B3GNT3: variants seen among roughly 807,000 people sequenced by gnomAD.
B3GNT3 encodes the protein N-acetyllactosaminide beta-1,3-N-acetylglucosaminyltransferase 3.
In B3GNT3, 7 loss-of-function variants were observed where a neutral mutation model predicts 11.6. That is an observed-to-expected ratio of 0.60 (90% CI 0.34 to 1.13). B3GNT3 has a LOEUF of 1.13. B3GNT3 is among the 50% of genes most tolerant of loss of function. B3GNT3 has a pLI of 0.03. For synonymous variants in B3GNT3, 201 were observed against 222.1 expected (o/e 0.90, Z 0.85); for missense variants, 400 against 507.4 (o/e 0.79, Z 2.03).
intron 1 of B3GNT3, among the ~76,000 whole-genome samples, chr19:17,797,737 T>C (rs2094161090): frequency 6.6e-6 from 1 of 151,924 alleles, no homozygotes; most frequent in Non-Finnish European, 1.5e-5. Flanking sequence ...AGATATTGAG[T>C]ATATATTGAC....
intron 1 of B3GNT3, among the ~76,000 whole-genome samples, chr19:17,799,154 G>A (rs987119834): frequency 6.6e-5 from 10 of 151,962 alleles, no homozygotes; most frequent in East Asian, 1.9e-4. Flanking sequence ...GCCTTTTGGC[G>A]GCCTCAGAAT....
chr19:17,801,489 G>A (rs114553530), intron 1 of B3GNT3, among the ~76,000 whole-genome samples: 1 of 145,080 alleles, frequency 6.9e-6, no homozygotes, highest in African/African-American at 2.6e-5. Context: ...GCTGTTTTTT[G>A]TTTTTTTGTT....
chr19:17,795,847 C>G (rs1013756652), intron 1 of B3GNT3, among the ~76,000 whole-genome samples: 1 of 152,084 alleles, frequency 6.6e-6, no homozygotes, highest in African/African-American at 2.4e-5. Flanking sequence ...GGGGCCCTTG[C>G]GTGACTGGCG....
Position 17,807,960 on chromosome 19 carries a change from T to TCCGCG in B3GNT3, c.155_156insGCGCC (p.Pro53ArgfsTer62). ...TCCCCGAGGCCCTGGCCTGGCCCAC[T>TCCGCG]CCACCCACCCGCCCAGCCCCGGCCC... On this transcript the variant is annotated frameshift_variant, in exon 2 of 3. Coordinates refer to ENST00000318683, the MANE Select transcript of B3GNT3 (RefSeq NM_014256.4). LOFTEE classifies it high-confidence loss of function. The TCCGCG allele has an allele frequency of 1.9e-6, 3 of 1,609,544 alleles. No individual in the cohort carries two copies. Among genetic ancestry groups the TCCGCG allele is most frequent in the Non-Finnish European group, 2.5e-6 (3 of 1,178,126 alleles).
intron 1 of B3GNT3, among the ~76,000 whole-genome samples, chr19:17,801,048 A>T (rs1404902480): frequency 6.6e-6 from 1 of 152,084 alleles, no homozygotes; most frequent in African/African-American, 2.4e-5. Context: ...CTTTAAAAAA[A>T]ATTCAGTATA....
chr19:17,803,409 C>T (rs1358138476), intron 1 of B3GNT3, among the ~76,000 whole-genome samples: 1 of 152,142 alleles, frequency 6.6e-6, no homozygotes, highest in African/African-American at 2.4e-5. Flanking sequence ...ACACCCCAGG[C>T]GGTGGCTTCT....
In B3GNT3 at chr19:17,812,745, TC is replaced by T. The variant is rs3833287; in HGVS notation, c.*625del. On this transcript the variant is annotated 3_prime_UTR_variant, in exon 3 of 3. Transcript: ENST00000318683. ...TGTGGGCAGAGGAGGGAGGCAAGTG[TC>T]CTTTGAAAGTTGTGAGAGCTCAGAG... 101,829 of 152,182 alleles carry T rather than the reference TC, an allele frequency of 0.67. 34,437 individuals carry two copies. The highest frequency in any genetic ancestry group is 0.73 in the Middle Eastern group (217 of 296). 9.4% of individuals were successfully genotyped at this position (152,182 alleles called of 1,614,324 possible).
intron 2 of B3GNT3, among the ~76,000 whole-genome samples, chr19:17,810,365 G>A (rs893156510): frequency 6.6e-6 from 1 of 152,074 alleles, no homozygotes; most frequent in Admixed American, 6.6e-5. Context: ...AGTTAAGATT[G>A]TGCCACTGCA....
At chr19:17,806,456 T>G (rs934415022) in intron 1 of B3GNT3, among the ~76,000 whole-genome samples, 1 of 152,140 alleles carries the variant, frequency 6.6e-6, no homozygotes, top group Non-Finnish European at 1.5e-5. Context: ...TTAACAGGAT[T>G]GGACTCATGC....
Position 17,813,548 on chromosome 19 carries a change from C to G in B3GNT3, c.*1426C>G, listed in dbSNP as rs2094183896. ...CCTGCTCAGATACCCTTCATAGCTC[C>G]TTATTGCTTTCAGCTCATAACCCCA... On this transcript the variant is annotated 3_prime_UTR_variant, in exon 3 of 3. Transcript: ENST00000318683. Among the ~76,000 whole-genome samples the G allele has an allele frequency of 6.6e-6, 1 of 152,024 alleles. No individual in the cohort carries two copies. The highest frequency in any genetic ancestry group is 1.5e-5 in the Non-Finnish European group (1 of 68,024).
In B3GNT3 at chr19:17,808,387, G is replaced by A. The variant is rs1901017039; in HGVS notation, c.567+13G>A. ...CACGCTCAAGCAGGTGCGCTGGACT[G>A]GGGTCACCTGATCGGGGCCACCTGT... On this transcript the variant is annotated intron_variant, in intron 2 of 2. Transcript: ENST00000318683. The A allele has an allele frequency of 6.3e-7, 1 of 1,585,644 alleles. No homozygotes were observed. Among genetic ancestry groups the A allele is most frequent in the Non-Finnish European group, 8.6e-7 (1 of 1,163,054 alleles).
At chr19:17,799,378 C>T (rs899176247) in intron 1 of B3GNT3, among the ~76,000 whole-genome samples, 1 of 150,910 alleles carries the variant, frequency 6.6e-6, no homozygotes, top group African/African-American at 2.4e-5. Context: ...AAGCGATTCT[C>T]CTGCCTCAGG....
At chr19:17,798,924 C>T (rs2094162539) in intron 1 of B3GNT3, among the ~76,000 whole-genome samples, 1 of 151,796 alleles carries the variant, frequency 6.6e-6, no homozygotes, top group African/African-American at 2.4e-5. Flanking sequence ...GAGCTATGAT[C>T]GTGCCACTGC....
At chr19:17,795,107 G>C (rs555264936), upstream of B3GNT3, 25 of 153,144 alleles carry the variant, frequency 1.6e-4, no homozygotes, top group African/African-American at 5.8e-4. Context: ...GGGAGGAAGC[G>C]GGAGAGGGGC....
chr19:17,808,160 G>T lies in B3GNT3; in HGVS notation c.353G>T (p.Ser118Ile). The T allele has an allele frequency of 6.2e-7, 1 of 1,612,074 alleles. No individual in the cohort carries two copies. The highest frequency in any genetic ancestry group is 8.5e-7 in the Non-Finnish European group (1 of 1,178,814). Residue 118 changes from serine (S) to isoleucine (I), a missense_variant, in exon 2 of 3, where the codon AGC becomes ATC. By Grantham distance (142) the Ser-to-Ile change is moderately radical. Coordinates refer to ENST00000318683, the MANE Select transcript of B3GNT3 (RefSeq NM_014256.4). ...CTGCTGGTGATCAAGTCCTCCCCTA[G>T]CAACTATGTGCGCCGCGAGCTGCTG... ...FLLLVIKSSPSNYVRRELLRR... is the reference protein window; with the variant it reads ...FLLLVIKSSPINYVRRELLRR...
Position 17,812,088 on chromosome 19 carries a change from A to G in B3GNT3, c.1085A>G (p.Asn362Ser), listed in dbSNP as rs1212693228. The change falls in exon 3 of 3, where the codon AAC (asparagine) becomes AGC (serine). Residue 362 changes from asparagine to serine, a missense_variant. By Grantham distance (46) the Asn-to-Ser change is conservative. Transcript: ENST00000318683. ...LLMWDALNQP[N>S]LTCGNQTQIY ...ATGTGGGATGCGCTGAACCAGCCCA[A>G]CCTCACCTGCGGCAATCAGACACAG... The G allele has an allele frequency of 6.3e-7, 1 of 1,597,986 alleles. No individual in the cohort carries two copies. The highest frequency in any genetic ancestry group is 1.3e-5 in the African/African-American group (1 of 74,830).
chr19:17,802,355 G>A (rs1296821760), intron 1 of B3GNT3, among the ~76,000 whole-genome samples: 1 of 152,178 alleles, frequency 6.6e-6, no homozygotes, highest in Non-Finnish European at 1.5e-5. Flanking sequence ...AGGAGGTGAT[G>A]GCTATCGTAC....
chr19:17,804,641 G>A lies in B3GNT3; in HGVS notation c.-50-3117G>A, dbSNP rs915847003. On this transcript the variant is annotated intron_variant, in intron 1 of 2. Transcript: ENST00000318683. ...CAACCTCCGCCTCCTGGGTTCAAGC[G>A]ATTTTCCTTCCTCAGCCTCCTGAGT... 1.2e-3 allele frequency among the ~76,000 whole-genome samples: 175 copies of A among 146,916 alleles called. 1 individual carries two copies. Among genetic ancestry groups the A allele is most frequent in the African/African-American group, 4.3e-3 (171 of 39,938 alleles).
At chr19:17,796,728 C>T (rs886975972) in intron 1 of B3GNT3, among the ~76,000 whole-genome samples, 6 of 152,200 alleles carry the variant, frequency 3.9e-5, no homozygotes, top group African/African-American at 1.4e-4. Flanking sequence ...CTGGCAGGTG[C>T]TCTGGGTGTG....
Sources: gnomAD v4.1 joint callset for allele counts (sites outside exome capture counted in the v4.1 genomes callset) on GRCh38, gnomAD v4.1.1 for gene constraint, MANE v1.5 for transcripts, NCBI Gene and HGNC (gene_info 2026-07-23, HGNC 2026-07-21) for gene names.